KSR2: variants seen among roughly 807,000 people sequenced by gnomAD.
The protein encoded by KSR2 is kinase suppressor of ras 2.
KSR2 carries 25 observed loss-of-function variants against 107.8 expected under a neutral mutation model. The observed-to-expected ratio is 0.23, with a 90% CI of 0.17 to 0.32. KSR2 has a LOEUF of 0.32. Among genes scored for constraint, KSR2 ranks in the 10% least tolerant of loss-of-function variants. KSR2 has a pLI of 1.00. For synonymous variants in KSR2, 480 were observed against 507.0 expected (o/e 0.95, Z 0.71); for missense variants, 887 against 1,268.9 (o/e 0.70, Z 4.57).
intron 3 of KSR2, among the ~76,000 whole-genome samples, chr12:117,834,882 C>A (rs748583882): frequency 1.3e-5 from 2 of 151,868 alleles, no homozygotes; most frequent in Non-Finnish European, 2.9e-5. Flanking sequence ...TCAAAGAATC[C>A]AAAAAAGGTG....
chr12:117,826,706 GCA>G (rs10560304), intron 3 of KSR2, among the ~76,000 whole-genome samples: 87,815 of 148,862 alleles, frequency 0.59, 25,889 homozygotes, highest in Admixed American at 0.7. Context: ...ATACACACAT[GCA>G]CACACACACA....
chr12:117,491,653 T>A (rs1189279533), intron 14 of KSR2, among the ~76,000 whole-genome samples: 2 of 152,212 alleles, frequency 1.3e-5, no homozygotes, highest in African/African-American at 4.8e-5. Flanking sequence ...TCGAGTTGAT[T>A]CCATATCTTG....
intron 14 of KSR2, among the ~76,000 whole-genome samples, chr12:117,486,639 G>T (rs1439321958): frequency 1.3e-5 from 2 of 152,182 alleles, no homozygotes; most frequent in Non-Finnish European, 2.9e-5. Flanking sequence ...TCATTCATTT[G>T]GTGTTTACTG....
At chr12:117,611,609 C>T (rs113307062) in intron 5 of KSR2, among the ~76,000 whole-genome samples, 99 of 152,172 alleles carry the variant, frequency 6.5e-4, no homozygotes, top group African/African-American at 2.1e-3. Context: ...ACTCAAGAGC[C>T]AAGATTCATG....
At chr12:117,541,296 C>A (rs4766858) in intron 9 of KSR2, among the ~76,000 whole-genome samples, 1 of 132,870 alleles carries the variant, frequency 7.5e-6, no homozygotes, top group South Asian at 2.4e-4. Flanking sequence ...GGGAGGCAGG[C>A]AGGGAGGAAC....
intron 5 of KSR2, among the ~76,000 whole-genome samples, chr12:117,602,554 G>A (rs1881015389): frequency 6.6e-6 from 1 of 152,142 alleles, no homozygotes; most frequent in Non-Finnish European, 1.5e-5. Flanking sequence ...TATCGATATT[G>A]TAACATGTAT....
At chr12:117,858,231 G>A (rs560624752) in intron 2 of KSR2, among the ~76,000 whole-genome samples, 31 of 152,180 alleles carry the variant, frequency 2.0e-4, no homozygotes, top group Non-Finnish European at 4.0e-4. Context: ...GTCTAGAATC[G>A]AATCGTTTCT....
chr12:117,962,418 C>T (rs536993907), intron 1 of KSR2, among the ~76,000 whole-genome samples: 2 of 149,966 alleles, frequency 1.3e-5, no homozygotes, highest in Admixed American at 1.4e-4. Context: ...TATGACCCAT[C>T]GCCTGGGTTT....
intron 1 of KSR2, among the ~76,000 whole-genome samples, chr12:117,898,724 C>T (rs1267843539): frequency 6.6e-6 from 1 of 151,500 alleles, no homozygotes; most frequent in South Asian, 2.1e-4. Context: ...GGTATGGATA[C>T]ACAACAGAGT....
At chr12:117,564,707 C>T (rs750216844) in intron 7 of KSR2, among the ~76,000 whole-genome samples, 18 of 152,082 alleles carry the variant, frequency 1.2e-4, no homozygotes, top group Non-Finnish European at 2.5e-4. Flanking sequence ...GTGCTACCTC[C>T]CTTTCCTTTC....
chr12:117,772,161 CGCACAT>C (rs1483247029), intron 3 of KSR2, among the ~76,000 whole-genome samples: 1 of 146,080 alleles, frequency 6.8e-6, no homozygotes, highest in African/African-American at 2.5e-5. Context: ...CCCCCAAAGA[CGCACAT>C]ACACATACAC....
intron 3 of KSR2, among the ~76,000 whole-genome samples, chr12:117,798,003 CT>C (rs1449768547): frequency 6.6e-6 from 1 of 152,180 alleles, no homozygotes; most frequent in African/African-American, 2.4e-5. Context: ...GGGTAAATGC[CT>C]TGACCGGAAA....
intron 2 of KSR2, among the ~76,000 whole-genome samples, chr12:117,859,821 T>A (rs1893228408): frequency 1.3e-5 from 2 of 152,184 alleles, no homozygotes; most frequent in African/African-American, 4.8e-5. Context: ...GAGATGACAA[T>A]CATTATGCAC....
intron 9 of KSR2, among the ~76,000 whole-genome samples, chr12:117,547,561 T>C (rs1187028062): frequency 1.3e-5 from 2 of 152,042 alleles, no homozygotes; most frequent in Non-Finnish European, 2.9e-5. Context: ...TTGACAAGGA[T>C]GGGAGTCTAG....
At chr12:117,468,801 C>A (rs574513787) in intron 19 of KSR2, among the ~76,000 whole-genome samples, 1 of 152,148 alleles carries the variant, frequency 6.6e-6, no homozygotes, top group South Asian at 2.1e-4. Context: ...TAGGGATGTG[C>A]GTTCATGGAA....
chr12:117,923,945 C>T (rs1895423097), intron 1 of KSR2, among the ~76,000 whole-genome samples: 1 of 146,144 alleles, frequency 6.8e-6, no homozygotes, highest in African/African-American at 2.5e-5. Context: ...ATGGTGTGAT[C>T]TCGGCTCACC....
At chr12:117,798,193 C>T (rs762196723) in intron 3 of KSR2, among the ~76,000 whole-genome samples, 3 of 152,216 alleles carry the variant, frequency 2.0e-5, no homozygotes, top group Non-Finnish European at 4.4e-5. Flanking sequence ...GGTGGGGCTA[C>T]CTGTCCTGAA....
chr12:117,887,918 A>C (rs1894224851), intron 1 of KSR2, among the ~76,000 whole-genome samples: 1 of 152,244 alleles, frequency 6.6e-6, no homozygotes, highest in South Asian at 2.1e-4. Flanking sequence ...AGGGAACGTC[A>C]CTGGCCTAGA....
At chr12:117,473,017 T>C (rs10774927) in intron 17 of KSR2, among the ~76,000 whole-genome samples, 71,212 of 151,942 alleles carry the variant, frequency 0.47, 17,089 homozygotes, top group African/African-American at 0.57. Context: ...ACCTCCTTAA[T>C]TGGGCTTTCA....
Sources: gnomAD v4.1 joint callset for allele counts (sites outside exome capture counted in the v4.1 genomes callset) on GRCh38, gnomAD v4.1.1 for gene constraint, MANE v1.5 for transcripts, NCBI Gene and HGNC (gene_info 2026-07-23, HGNC 2026-07-21) for gene names.